GRIK1: variants seen among roughly 807,000 people sequenced by gnomAD.
The protein encoded by GRIK1 is glutamate ionotropic receptor kainate type subunit 1, also known as glutamate receptor ionotropic, kainate 1.
GRIK1 carries 69 observed loss-of-function variants against 105.7 expected under a neutral mutation model. That is an observed-to-expected ratio of 0.65 (90% confidence interval 0.54 to 0.80). GRIK1 has a LOEUF of 0.80. GRIK1 is among the 30% of genes least tolerant of loss of function. GRIK1 has a pLI of 0.00. For synonymous variants in GRIK1, 438 were observed against 431.3 expected (o/e 1.02, Z -0.19); for missense variants, 1,109 against 1,167.3 (o/e 0.95, Z 0.73).
At chr21:29,803,110 G>A (rs1050228466) in intron 1 of GRIK1, among the ~76,000 whole-genome samples, 6 of 151,942 alleles carry the variant, frequency 3.9e-5, no homozygotes, top group Non-Finnish European at 8.8e-5. Context: ...TTTGATGAGT[G>A]GATAACTATC....
At chr21:29,654,733 T>C (rs1162076819) in intron 5 of GRIK1, 77 bp downstream of exon 5, 2 of 848,008 alleles carry the variant, frequency 2.4e-6, no homozygotes, top group South Asian at 1.3e-5. Flanking sequence ...CCTTTGACAC[T>C]GGTGAGGCCG....
chr21:29,760,490 G>A (rs1373403609), intron 1 of GRIK1: 1 of 152,200 alleles, frequency 6.6e-6, no homozygotes, highest in East Asian at 1.9e-4. Flanking sequence ...GGTAGGGAGG[G>A]AAATTGTTGT....
intron 1 of GRIK1, among the ~76,000 whole-genome samples, chr21:29,836,030 T>A (rs2067794324): frequency 6.6e-6 from 1 of 152,198 alleles, no homozygotes; most frequent in African/African-American, 2.4e-5. Context: ...TGGAAAGCAA[T>A]AGCAGGCTGC....
At chr21:29,716,191 G>T (rs1213369792) in intron 1 of GRIK1, among the ~76,000 whole-genome samples, 1 of 152,148 alleles carries the variant, frequency 6.6e-6, no homozygotes, top group Non-Finnish European at 1.5e-5. Flanking sequence ...TGCACTGTGA[G>T]TCAATTAAAC....
At chr21:29,597,008 A>C (rs1406756916) in intron 8 of GRIK1, among the ~76,000 whole-genome samples, 1 of 152,154 alleles carries the variant, frequency 6.6e-6, no homozygotes, top group Non-Finnish European at 1.5e-5. Context: ...ATAAAGAAGA[A>C]GTATGCTTGA....
At chr21:29,634,886 AG>A (rs1265166881) in intron 7 of GRIK1, among the ~76,000 whole-genome samples, 3 of 152,216 alleles carry the variant, frequency 2.0e-5, no homozygotes, top group African/African-American at 7.2e-5. Flanking sequence ...TGGTGGACAC[AG>A]GAAGCTATGA....
At chr21:29,762,303 C>A (rs760842467) in intron 1 of GRIK1, among the ~76,000 whole-genome samples, 1 of 152,186 alleles carries the variant, frequency 6.6e-6, no homozygotes, top group South Asian at 2.1e-4. Context: ...ATTCTGAGAT[C>A]ACCTGAAACA....
At chr21:29,551,177 C>T (rs1568799349) in intron 16 of GRIK1, among the ~76,000 whole-genome samples, 1 of 152,138 alleles carries the variant, frequency 6.6e-6, no homozygotes, top group Admixed American at 6.5e-5. Context: ...ATTCTCAATG[C>T]GCAAAAACTT....
intron 7 of GRIK1, among the ~76,000 whole-genome samples, chr21:29,629,747 C>A (rs2062221579): frequency 6.6e-6 from 1 of 152,158 alleles, no homozygotes. Context: ...CCTCGGCCTC[C>A]CAAAGTGCTG....
intron 1 of GRIK1, among the ~76,000 whole-genome samples, chr21:29,757,477 G>A (rs2065379870): frequency 6.6e-6 from 1 of 152,158 alleles, no homozygotes; most frequent in African/African-American, 2.4e-5. Context: ...TACTAAATCT[G>A]CCAATTTAAT....
At chr21:29,592,763 G>T (rs2061350756) in intron 9 of GRIK1, among the ~76,000 whole-genome samples, 1 of 152,110 alleles carries the variant, frequency 6.6e-6, no homozygotes, top group African/African-American at 2.4e-5. Flanking sequence ...CATTGAAATG[G>T]CTGCCTCAGT....
At chr21:29,737,166 G>A (rs930935993) in intron 1 of GRIK1, among the ~76,000 whole-genome samples, 2 of 152,096 alleles carry the variant, frequency 1.3e-5, no homozygotes. Flanking sequence ...CCCCTTTTAA[G>A]TGTGGCCTGT....
At chr21:29,553,774 A>G in intron 16 of GRIK1, 1 of 1,110,706 alleles carries the variant, frequency 9.0e-7, no homozygotes, top group Admixed American at 2.3e-5. Context: ...TGAATGTTTA[A>G]ATGAAAATTT....
At chr21:29,821,988 G>A (rs1483310896) in intron 1 of GRIK1, among the ~76,000 whole-genome samples, 1 of 151,904 alleles carries the variant, frequency 6.6e-6, no homozygotes, top group Non-Finnish European at 1.5e-5. Flanking sequence ...GCATATAAGT[G>A]GACCAACCTA....
chr21:29,570,977 G>C (rs1216411688), intron 14 of GRIK1, among the ~76,000 whole-genome samples: 1 of 151,652 alleles, frequency 6.6e-6, no homozygotes, highest in Non-Finnish European at 1.5e-5. Context: ...GAGCAATGTT[G>C]CTCCATATAT....
intron 1 of GRIK1, among the ~76,000 whole-genome samples, chr21:29,782,205 G>T (rs149263165): frequency 8.9e-4 from 135 of 150,936 alleles, no homozygotes; most frequent in African/African-American, 3.1e-3. Flanking sequence ...TCCTGCCTCA[G>T]CCTCCCGAGC....
In GRIK1 at chr21:29,577,188, T is replaced by C; in HGVS notation, c.1913-7A>G. ...TTGGGCATCAGCTCTGATCCTGTGA[T>C]GGTATCATCAGAGTAAGGGTGTTAA... is the stretch of plus-strand genomic sequence containing the variant. On this transcript the variant is annotated splice_polypyrimidine_tract_variant and splice_region_variant and intron_variant, in intron 13 of 17. Coordinates refer to ENST00000327783, the MANE Select transcript of GRIK1 (RefSeq NM_001330994.2). 1 of 1,505,004 alleles carries C rather than the reference T, an allele frequency of 6.6e-7. No homozygotes were observed. Among genetic ancestry groups the C allele is most frequent in the Non-Finnish European group, 9.3e-7 (1 of 1,080,654 alleles). The allele number at this position is 1,505,004 out of a possible 1,614,324, so 93.2% of individuals were successfully genotyped here.
At chr21:29,597,667 G>A (rs1466316210) in intron 8 of GRIK1, 1 of 467,754 alleles carries the variant, frequency 2.1e-6, no homozygotes, top group Admixed American at 2.4e-5. Context: ...TGAAGAGGAA[G>A]CCAGAAGATG....
chr21:29,882,736 G>A (rs2069467449), intron 1 of GRIK1, among the ~76,000 whole-genome samples: 2 of 152,088 alleles, frequency 1.3e-5, no homozygotes, highest in South Asian at 2.1e-4. Flanking sequence ...CTAGGCAAAA[G>A]TGCATGAGTA....
Sources: gnomAD v4.1 joint callset for allele counts (sites outside exome capture counted in the v4.1 genomes callset) on GRCh38, gnomAD v4.1.1 for gene constraint, MANE v1.5 for transcripts, NCBI Gene and HGNC (gene_info 2026-07-23, HGNC 2026-07-21) for gene names.